CDH12: variants seen among roughly 807,000 people sequenced by gnomAD.
CDH12 encodes the protein cadherin 12, also known as cadherin-12.
Under a neutral mutation model 74.1 loss-of-function variants are expected in CDH12, and 41 were observed. The observed-to-expected ratio is 0.55, with a 90% CI of 0.43 to 0.72. The LOEUF is 0.72. Among genes scored for constraint, CDH12 ranks in the 30% least tolerant of loss-of-function variants. CDH12 has a pLI of 0.00. For missense variants in CDH12, 945 were observed against 977.2 expected, an observed-to-expected ratio of 0.97 and a Z score of 0.44; for synonymous variants, 399 against 355.0, an observed-to-expected ratio of 1.12 and a Z score of -1.39.
At chr5:22,664,608 A>G (rs198793) in intron 1 of CDH12, among the ~76,000 whole-genome samples, 10,235 of 152,248 alleles carry the variant, frequency 0.067, 680 homozygotes, top group African/African-American at 0.17. Context: ...AATGTTTATA[A>G]GCAAATACTG....
chr5:21,941,857 C>T (rs1561315968), intron 6 of CDH12, among the ~76,000 whole-genome samples: 1 of 151,432 alleles, frequency 6.6e-6, no homozygotes, highest in Non-Finnish European at 1.5e-5. Context: ...TGTTTTGTTT[C>T]TGTATATGAA....
intron 1 of CDH12, among the ~76,000 whole-genome samples, chr5:22,786,107 G>T (rs755144909): frequency 1.3e-5 from 2 of 151,966 alleles, no homozygotes; most frequent in Admixed American, 1.3e-4. Context: ...AATGTGGCAC[G>T]TATACACCAT....
chr5:22,509,818 G>A (rs1216548676), intron 1 of CDH12, among the ~76,000 whole-genome samples: 1 of 152,096 alleles, frequency 6.6e-6, no homozygotes, highest in African/African-American at 2.4e-5. Context: ...GAGAAGCAGA[G>A]GGCAAGCTTG....
At chr5:21,862,559 C>G (rs557748106) in intron 6 of CDH12, among the ~76,000 whole-genome samples, 4 of 152,206 alleles carry the variant, frequency 2.6e-5, no homozygotes, top group Admixed American at 2.6e-4. Context: ...TTCATGTCTT[C>G]TTTCAATCAA....
intron 4 of CDH12, among the ~76,000 whole-genome samples, chr5:22,168,194 T>C (rs1367810195): frequency 1.3e-5 from 2 of 152,126 alleles, no homozygotes; most frequent in African/African-American, 4.8e-5. Flanking sequence ...GTGCTATATG[T>C]TCATGTGCAT....
chr5:22,447,573 TAAAG>T (rs1265975437), intron 2 of CDH12, among the ~76,000 whole-genome samples: 1 of 152,118 alleles, frequency 6.6e-6, no homozygotes, highest in Non-Finnish European at 1.5e-5. Flanking sequence ...CACATGTGTA[TAAAG>T]AAAGTCTAAA....
intron 1 of CDH12, among the ~76,000 whole-genome samples, chr5:22,523,840 T>G (rs1438433606): frequency 6.6e-6 from 1 of 152,166 alleles, no homozygotes; most frequent in Non-Finnish European, 1.5e-5. Context: ...CAATTTCATT[T>G]TCAAGACTCT....
chr5:22,828,110 G>T (rs2126492767), intron 1 of CDH12, among the ~76,000 whole-genome samples: 1 of 152,178 alleles, frequency 6.6e-6, no homozygotes, highest in East Asian at 1.9e-4. Flanking sequence ...ATAACTTGTA[G>T]CATATGAAAA....
At chr5:22,744,325 A>C (rs1745187084) in intron 1 of CDH12, among the ~76,000 whole-genome samples, 1 of 151,774 alleles carries the variant, frequency 6.6e-6, no homozygotes, top group African/African-American at 2.4e-5. Flanking sequence ...GCTACTCGGG[A>C]GGCTGAGGCA....
At chr5:22,667,022 C>T (rs1196449441) in intron 1 of CDH12, among the ~76,000 whole-genome samples, 1 of 152,182 alleles carries the variant, frequency 6.6e-6, no homozygotes, top group Non-Finnish European at 1.5e-5. Context: ...TGCTATGCCC[C>T]TCCTCTATTC....
At chr5:22,100,652 G>GAC (rs150777646) in intron 4 of CDH12, among the ~76,000 whole-genome samples, 46,193 of 144,130 alleles carry the variant, frequency 0.32, 7,451 homozygotes, top group East Asian at 0.45. Context: ...CCATACATTA[G>GAC]ACACACACAC....
chr5:22,340,548 T>C (rs1000106225), intron 3 of CDH12, among the ~76,000 whole-genome samples: 1 of 152,044 alleles, frequency 6.6e-6, no homozygotes, highest in African/African-American at 2.4e-5. Flanking sequence ...AAAATCTGTT[T>C]TTCAAACTCT....
At chr5:21,971,383 G>T (rs959844947) in intron 6 of CDH12, among the ~76,000 whole-genome samples, 2 of 151,988 alleles carry the variant, frequency 1.3e-5, no homozygotes, top group African/African-American at 4.8e-5. Flanking sequence ...CTGCATTGGG[G>T]TTACTGTAAT....
At chr5:22,399,274 G>A (rs570104593) in intron 3 of CDH12, among the ~76,000 whole-genome samples, 1 of 151,666 alleles carries the variant, frequency 6.6e-6, no homozygotes, top group Admixed American at 6.6e-5. Flanking sequence ...ACTCTTCACA[G>A]TTTTACACCT....
chr5:22,120,764 CTT>C (rs924574249), intron 4 of CDH12, among the ~76,000 whole-genome samples: 42 of 152,138 alleles, frequency 2.8e-4, no homozygotes, highest in African/African-American at 9.9e-4. Flanking sequence ...AGTTTTGACT[CTT>C]TAAAATAATC....
intron 8 of CDH12, among the ~76,000 whole-genome samples, chr5:21,818,620 T>C (rs184339796): frequency 2.7e-3 from 406 of 152,072 alleles, no homozygotes; most frequent in African/African-American, 9.4e-3. Flanking sequence ...GGAACATATA[T>C]GTGATTTGGT....
intron 1 of CDH12, among the ~76,000 whole-genome samples, chr5:22,803,809 G>A (rs897003494): frequency 1.3e-5 from 2 of 152,080 alleles, no homozygotes; most frequent in Non-Finnish European, 2.9e-5. Flanking sequence ...AAATCCTTTC[G>A]TGTGTTTTGT....
At chr5:22,713,046 A>G (rs6891406) in intron 1 of CDH12, among the ~76,000 whole-genome samples, 94,184 of 151,610 alleles carry the variant, frequency 0.62, 29,691 homozygotes, top group Admixed American at 0.71. Context: ...ACATCAGAGA[A>G]TACTTAACGA....
chr5:21,898,676 T>TG (rs1250929898), intron 6 of CDH12, among the ~76,000 whole-genome samples: 2 of 151,912 alleles, frequency 1.3e-5, no homozygotes, highest in Non-Finnish European at 2.9e-5. Flanking sequence ...CTCTTCAGCC[T>TG]GGCAACAGAG....
Sources: gnomAD v4.1 joint callset for allele counts (sites outside exome capture counted in the v4.1 genomes callset) on GRCh38, gnomAD v4.1.1 for gene constraint, MANE v1.5 for transcripts, NCBI Gene and HGNC (gene_info 2026-07-23, HGNC 2026-07-21) for gene names.